KSR1: variants seen among roughly 807,000 people sequenced by gnomAD.
The protein encoded by KSR1 is kinase suppressor of ras 1.
A neutral mutation model predicts 92.9 loss-of-function variants in KSR1; 35 were observed. The observed-to-expected ratio is 0.38, with a 90% CI of 0.29 to 0.50. The LOEUF is 0.50. Among genes scored for constraint, KSR1 ranks in the 20% least tolerant of loss-of-function variants. The probability of loss-of-function intolerance (pLI) is 0.94; values close to 1 mark genes in which losing one functional copy is unlikely to be tolerated. For missense variants in KSR1, 972 were observed against 1,158.5 expected (o/e 0.84, Z 2.34); for synonymous variants, 467 against 472.6 (o/e 0.99, Z 0.15).
intron 1 of KSR1, among the ~76,000 whole-genome samples, chr17:27,463,934 C>T (rs1333913934): frequency 2.6e-5 from 4 of 152,168 alleles, no homozygotes; most frequent in Non-Finnish European, 5.9e-5. Flanking sequence ...GTCCAGCCCT[C>T]TCATCTTGCA....
chr17:27,597,685 G>A (rs1437395591), intron 10 of KSR1, among the ~76,000 whole-genome samples: 1 of 152,194 alleles, frequency 6.6e-6, no homozygotes, highest in Non-Finnish European at 1.5e-5. Context: ...TGGCAGAATG[G>A]AGATCAAACC....
intron 1 of KSR1, among the ~76,000 whole-genome samples, chr17:27,490,678 G>A (rs558188461): frequency 6.6e-6 from 1 of 152,162 alleles, no homozygotes; most frequent in Admixed American, 6.5e-5. Context: ...AATAGGTACT[G>A]CCTTTTTGGA....
chr17:27,519,347 T>C (rs997523376), intron 1 of KSR1, among the ~76,000 whole-genome samples: 1 of 152,182 alleles, frequency 6.6e-6, no homozygotes, highest in Non-Finnish European at 1.5e-5. Context: ...TTGAATCAAC[T>C]GCTCCCTTAG....
intron 1 of KSR1, among the ~76,000 whole-genome samples, chr17:27,514,491 T>C (rs2151007962): frequency 6.6e-6 from 1 of 152,248 alleles, no homozygotes; most frequent in Non-Finnish European, 1.5e-5. Context: ...AAACCCCGTC[T>C]CTATTAAAAA....
At chr17:27,601,470 G>GGACAGAA in intron 11 of KSR1, 69 bp downstream of exon 11, 1 of 1,368,800 alleles carries the variant, frequency 7.3e-7, no homozygotes, top group Non-Finnish European at 1.0e-6. Context: ...CACCTGGGCA[G>GGACAGAA]GGCGCCCTCT....
In KSR1 at chr17:27,625,680, C is replaced by A. The variant is rs1296680164; in HGVS notation, c.*2288C>A. 6.6e-6 allele frequency: 1 copy of A among 152,164 alleles called. No individual in the cohort carries two copies. Among genetic ancestry groups the A allele is most frequent in the African/African-American group, 2.4e-5 (1 of 41,418 alleles). 9.4% of individuals were successfully genotyped at this position (152,164 alleles called of 1,614,324 possible). A position where few individuals can be genotyped will look rare whatever the true frequency, so the allele number is the denominator to read the frequency against. On this transcript the variant is annotated 3_prime_UTR_variant, in exon 21 of 21. Coordinates refer to ENST00000644974, the MANE Select transcript of KSR1 (RefSeq NM_001394583.1). ...AATTGAGGTTAGGAAGGCACACCTG[C>A]CCTTCTGTGTGCTCTCTCCACACGA...
chr17:27,475,775 A>C (rs1597840667), intron 1 of KSR1, among the ~76,000 whole-genome samples: 1 of 152,160 alleles, frequency 6.6e-6, no homozygotes, highest in African/African-American at 2.4e-5. Flanking sequence ...TGGTAAGGGG[A>C]GGTTTGGCAG....
At chr17:27,490,194 A>G (rs570004286) in intron 1 of KSR1, among the ~76,000 whole-genome samples, 101 of 152,216 alleles carry the variant, frequency 6.6e-4, no homozygotes, top group Non-Finnish European at 1.3e-3. Context: ...GGCTGTTGAG[A>G]GGATCAAATG....
chr17:27,569,661 G>A (rs2072230346), intron 2 of KSR1, among the ~76,000 whole-genome samples: 1 of 152,252 alleles, frequency 6.6e-6, no homozygotes, highest in East Asian at 1.9e-4. Context: ...CATGAAATTT[G>A]TTTCAGTATC....
chr17:27,470,823 C>T (rs1360863745), intron 1 of KSR1, among the ~76,000 whole-genome samples: 2 of 151,918 alleles, frequency 1.3e-5, no homozygotes, highest in East Asian at 1.9e-4. Flanking sequence ...TTAGATATTC[C>T]TTATCTTGAA....
At chr17:27,561,698 T>C (rs2071836165) in intron 2 of KSR1, among the ~76,000 whole-genome samples, 1 of 152,246 alleles carries the variant, frequency 6.6e-6, no homozygotes, top group African/African-American at 2.4e-5. Context: ...CAGACATCAC[T>C]TTCTCCAATA....
In KSR1 at chr17:27,459,663, T is replaced by C. The variant is rs1384277753; in HGVS notation, c.231+2789T>C. On this transcript the variant is annotated intron_variant, in intron 1 of 20. Coordinates refer to ENST00000644974, the MANE Select transcript of KSR1 (RefSeq NM_001394583.1). This position sits in a 1 kb window ranked among gnomAD's most constrained non-coding sequence, Gnocchi z 4.6. ...AGGATCTGACCTGGAGGGCTTGGCC[T>C]GTGCAACTGCATCGGACTTATCTAG... Among the ~76,000 whole-genome samples, 4 of 152,252 alleles carry C rather than the reference T, an allele frequency of 2.6e-5. No homozygotes were observed. Among genetic ancestry groups the C allele is most frequent in the Non-Finnish European group, 5.9e-5 (4 of 68,044 alleles).
At chr17:27,513,902 TG>T (rs1323241048) in intron 1 of KSR1, among the ~76,000 whole-genome samples, 4 of 152,186 alleles carry the variant, frequency 2.6e-5, no homozygotes, top group African/African-American at 9.7e-5. Context: ...GGTGTCTGCC[TG>T]CAGTGTTTCC....
At chr17:27,590,718 C>A in intron 6 of KSR1, 93 bp from the exon 7 acceptor site, 1 of 1,196,080 alleles carries the variant, frequency 8.4e-7, no homozygotes, top group Non-Finnish European at 1.2e-6. Context: ...AGCCAAGACT[C>A]CCAGTTGCCC....
intron 1 of KSR1, among the ~76,000 whole-genome samples, chr17:27,531,430 G>A (rs1448002441): frequency 6.6e-6 from 1 of 152,224 alleles, no homozygotes; most frequent in African/African-American, 2.4e-5. Context: ...AGCTGAGGGG[G>A]TGGCCCTGGT....
chr17:27,528,077 T>G (rs1205874392), intron 1 of KSR1, among the ~76,000 whole-genome samples: 1 of 152,176 alleles, frequency 6.6e-6, no homozygotes, highest in Non-Finnish European at 1.5e-5. Flanking sequence ...TGTTTTTTAT[T>G]ATTTTTGAGA....
intron 10 of KSR1, among the ~76,000 whole-genome samples, chr17:27,600,337 G>T (rs2073510967): frequency 6.6e-6 from 1 of 152,076 alleles, no homozygotes; most frequent in Admixed American, 6.5e-5. Flanking sequence ...CTATTTGGGA[G>T]GCTGAGGCAG....
chr17:27,592,232 C>T (rs2073190163), intron 7 of KSR1, 129 bp from the exon 8 acceptor site: 2 of 723,596 alleles, frequency 2.8e-6, no homozygotes, highest in Non-Finnish European at 4.9e-6. Context: ...TCTCTACTTT[C>T]GAGCTAACAT....
intron 19 of KSR1, among the ~76,000 whole-genome samples, chr17:27,620,757 T>C (rs1350411318): frequency 6.6e-6 from 1 of 152,154 alleles, no homozygotes; most frequent in Non-Finnish European, 1.5e-5. Flanking sequence ...GGCCCTGGTT[T>C]TCTCCGTGAC....
Sources: allele counts gnomAD v4.1 joint callset (sites outside exome capture counted in the v4.1 genomes callset), GRCh38; gene constraint gnomAD v4.1.1; non-coding constraint Gnocchi (gnomAD v3.1); transcripts MANE v1.5; gene names NCBI Gene and HGNC (gene_info 2026-07-23, HGNC 2026-07-21).